The following SPACA7 variants were observed in gnomAD, a reference collection of about 807,000 sequenced individuals.
SPACA7 encodes sperm acrosome associated 7.
Under a neutral mutation model 26.3 loss-of-function variants are expected in SPACA7, and 19 were observed. The ratio of observed to expected loss-of-function variants is 0.72; its 90% CI spans 0.50 to 1.06. SPACA7 has a LOEUF of 1.06. Among genes scored for constraint, SPACA7 ranks in the 50% least tolerant of loss-of-function variants. The pLI is 0.00. For missense variants in SPACA7, 211 were observed against 229.9 expected (o/e 0.92, Z 0.53); for synonymous variants, 84 against 84.5 (o/e 0.99, Z 0.04).
At chr13:112,391,651 T>C (rs1405753685) in intron 1 of SPACA7, among the ~76,000 whole-genome samples, 1 of 152,210 alleles carries the variant, frequency 6.6e-6, no homozygotes, top group Non-Finnish European at 1.5e-5. Context: ...CACTTGACAA[T>C]GCACTTTAAA....
intron 5 of SPACA7, among the ~76,000 whole-genome samples, chr13:112,408,953 G>C (rs1199467915): frequency 6.6e-6 from 1 of 152,268 alleles, no homozygotes; most frequent in East Asian, 1.9e-4. Context: ...CATGCTACCT[G>C]ACTTCAAACT....
At chr13:112,426,740 A>G (rs1594329930) in intron 5 of SPACA7, among the ~76,000 whole-genome samples, 1 of 152,242 alleles carries the variant, frequency 6.6e-6, no homozygotes, top group East Asian at 1.9e-4. Context: ...TATTGACTTT[A>G]TAACCCATAA....
intron 1 of SPACA7, among the ~76,000 whole-genome samples, chr13:112,385,700 T>G (rs943786055): frequency 2.6e-5 from 4 of 152,242 alleles, no homozygotes; most frequent in African/African-American, 9.6e-5. Context: ...TTTATTTTAC[T>G]AATAATTTTT....
chr13:112,382,356 C>T, intron 1 of SPACA7: 3 of 1,466,780 alleles, frequency 2.0e-6, no homozygotes, highest in Non-Finnish European at 2.7e-6. Context: ...CCTCAGCCTC[C>T]CAAAGTGCTG....
At chr13:112,381,390 G>T (rs1374802702) in intron 1 of SPACA7, among the ~76,000 whole-genome samples, 1 of 151,842 alleles carries the variant, frequency 6.6e-6, no homozygotes, top group Non-Finnish European at 1.5e-5. Context: ...CTGCTTGGGA[G>T]GCTCAGATGG....
At position 112,423,703 on chromosome 13, in the gene SPACA7, G is replaced by A. The variant is rs367854159; in HGVS notation, c.446-8741G>A. On this transcript the variant is annotated intron_variant, in intron 5 of 6. Transcript: ENST00000283550. The stretch of plus-strand genomic sequence containing the variant: ...GTGAAGAACATAATCCTCAGATTCA[G>A]GAATCACAGTATGTTCTAAAGGAAG... 1.5e-4 allele frequency among the ~76,000 whole-genome samples: 23 copies of A among 152,278 alleles called. 2 individuals are homozygous for A. Among genetic ancestry groups the A allele is most frequent in the Admixed American group, 5.9e-4 (9 of 15,300 alleles).
intron 2 of SPACA7, among the ~76,000 whole-genome samples, chr13:112,397,675 C>T (rs1269027340): frequency 6.6e-6 from 1 of 152,110 alleles, no homozygotes; most frequent in Non-Finnish European, 1.5e-5. Flanking sequence ...AGATCAGGAG[C>T]GACGCTCACT....
intron 5 of SPACA7, among the ~76,000 whole-genome samples, chr13:112,415,582 T>C (rs1188515788): frequency 6.6e-6 from 1 of 152,088 alleles, no homozygotes; most frequent in Non-Finnish European, 1.5e-5. Flanking sequence ...CTCTTTTCTC[T>C]CCTTCTCCCC....
At chr13:112,389,128 GA>G (rs900434109) in intron 1 of SPACA7, among the ~76,000 whole-genome samples, 41 of 152,204 alleles carry the variant, frequency 2.7e-4, no homozygotes, top group African/African-American at 9.9e-4. Context: ...CAAGCAAGAA[GA>G]AGTTTGCTTT....
At chr13:112,396,296 C>T (rs12430448) in intron 2 of SPACA7, among the ~76,000 whole-genome samples, 38,619 of 151,360 alleles carry the variant, frequency 0.26, 4,995 homozygotes, top group South Asian at 0.37. Context: ...ATGGGGCAAC[C>T]GAAGCCAGAG....
At chr13:112,409,816 C>T (rs1228847910) in intron 5 of SPACA7, among the ~76,000 whole-genome samples, 3 of 152,130 alleles carry the variant, frequency 2.0e-5, no homozygotes, top group East Asian at 3.9e-4. Flanking sequence ...GGCGATTCCT[C>T]AAGGAAGTAG....
intron 5 of SPACA7, among the ~76,000 whole-genome samples, chr13:112,411,581 C>CTCTAT (rs1412828831): frequency 1.3e-5 from 2 of 152,116 alleles, no homozygotes; most frequent in African/African-American, 2.4e-5. Context: ...ACCAATCTCT[C>CTCTAT]TCTATTTCCT....
intron 1 of SPACA7, among the ~76,000 whole-genome samples, chr13:112,380,645 G>T (rs1303352417): frequency 6.6e-6 from 1 of 151,476 alleles, no homozygotes; most frequent in African/African-American, 2.4e-5. Context: ...CATTTTGTCC[G>T]GTTTTTTCTC....
intron 2 of SPACA7, among the ~76,000 whole-genome samples, chr13:112,396,522 GGGCCATCCTT>G (rs138222142): frequency 1.4e-3 from 215 of 152,330 alleles, no homozygotes; most frequent in African/African-American, 5.1e-3. Context: ...GACTGAGGCT[GGGCCATCCTT>G]GGCCCCCCAG....
chr13:112,380,383 C>T (rs1009228292), intron 1 of SPACA7, among the ~76,000 whole-genome samples: 1 of 91,974 alleles, frequency 1.1e-5, no homozygotes, highest in Non-Finnish European at 1.9e-5. Context: ...CCAGCCTAGG[C>T]AACAAGAGCA....
At chr13:112,396,191 A>G (rs1428147747) in intron 2 of SPACA7, among the ~76,000 whole-genome samples, 16 of 150,334 alleles carry the variant, frequency 1.1e-4, no homozygotes, top group Middle Eastern at 6.8e-3. Flanking sequence ...ACTGGGTCAC[A>G]CTGGGACAGG....
chr13:112,396,830 C>T (rs1885298014), intron 2 of SPACA7, among the ~76,000 whole-genome samples: 1 of 152,194 alleles, frequency 6.6e-6, no homozygotes, highest in African/African-American at 2.4e-5. Flanking sequence ...TGAGGTTGTC[C>T]TGGCCTCTCC....
At chr13:112,424,489 C>T (rs1876331869) in intron 5 of SPACA7, among the ~76,000 whole-genome samples, 1 of 152,114 alleles carries the variant, frequency 6.6e-6, no homozygotes, top group African/African-American at 2.4e-5. Context: ...CAGAACTTCA[C>T]ATATAGACAA....
At chr13:112,427,700 T>C (rs1189496484) in intron 5 of SPACA7, among the ~76,000 whole-genome samples, 2 of 152,218 alleles carry the variant, frequency 1.3e-5, no homozygotes, top group Non-Finnish European at 1.5e-5. Flanking sequence ...GGAAGGGTTT[T>C]AACTACAATC....
Sources: gnomAD v4.1 joint callset for allele counts (sites outside exome capture counted in the v4.1 genomes callset) on GRCh38, gnomAD v4.1.1 for gene constraint, MANE v1.5 for transcripts, NCBI Gene and HGNC (gene_info 2026-07-23, HGNC 2026-07-21) for gene names.